Variants in ANXA8 observed in about 807,000 individuals in gnomAD.
ANXA8 encodes the protein VAC-beta.
A neutral mutation model predicts 26.8 loss-of-function variants in ANXA8; 9 were observed. The ratio of observed to expected loss-of-function variants is 0.34; its 90% CI spans 0.20 to 0.59. ANXA8 has a LOEUF of 0.59. Among genes scored for constraint, ANXA8 ranks in the 20% least tolerant of loss-of-function variants. The pLI is 0.84. For missense variants in ANXA8, 83 were observed against 238.5 expected (o/e 0.35, Z 4.29); for synonymous variants, 39 against 94.8 (o/e 0.41, Z 3.42).
At chr10:47,497,790 T>G in the ANXA8 span, among the ~76,000 whole-genome samples, 2 of 150,312 alleles carry the variant, frequency 1.3e-5, no homozygotes, top group African/African-American at 4.9e-5. Context: ...ATACAAAAAT[T>G]AGTTGGGCAT....
At chr10:47,958,440 C>T in the ANXA8 span, among the ~76,000 whole-genome samples, 1 of 146,526 alleles carries the variant, frequency 6.8e-6, no homozygotes, top group Admixed American at 6.7e-5. Context: ...GATCGAGCCA[C>T]TGCACTCCAG....
At chr10:47,631,858 A>G in the ANXA8 span, among the ~76,000 whole-genome samples, 2 of 151,586 alleles carry the variant, frequency 1.3e-5, no homozygotes, top group East Asian at 3.8e-4. Flanking sequence ...ATAATTTTGG[A>G]AAATATATTA....
the ANXA8 span, among the ~76,000 whole-genome samples, chr10:47,764,140 C>T: frequency 6.6e-6 from 1 of 150,714 alleles, no homozygotes; most frequent in South Asian, 2.1e-4. Context: ...CTCAGCTGTG[C>T]GCTTAACTGG....
chr10:47,949,978 A>G, the ANXA8 span, among the ~76,000 whole-genome samples: 1 of 150,228 alleles, frequency 6.7e-6, no homozygotes, highest in Non-Finnish European at 1.5e-5. Context: ...ACTGTATAAT[A>G]AGGCAAGACT....
At chr10:47,733,225 T>TTCTCTCTCTCTC in the ANXA8 span, among the ~76,000 whole-genome samples, 117 of 58,346 alleles carry the variant, frequency 2.0e-3, 1 homozygote, top group African/African-American at 6.9e-3. Context: ...TTCTTTCTCT[T>TTCTCTCTCTCTC]TCTTTCTCTC....
the ANXA8 span, among the ~76,000 whole-genome samples, chr10:47,653,125 G>A: frequency 2.7e-5 from 4 of 150,724 alleles, no homozygotes; most frequent in South Asian, 6.2e-4. Context: ...CAGCCTGGCC[G>A]ACATGGTGAA....
At chr10:47,533,473 C>T in the ANXA8 span, among the ~76,000 whole-genome samples, 3,729 of 148,462 alleles carry the variant, frequency 0.025, 16 homozygotes, top group Middle Eastern at 0.035. Flanking sequence ...GAGGGGGAAC[C>T]TTCAGACAGT....
chr10:47,944,353 C>T, the ANXA8 span, among the ~76,000 whole-genome samples: 1 of 149,100 alleles, frequency 6.7e-6, no homozygotes, highest in Non-Finnish European at 1.5e-5. Flanking sequence ...AGAGCATCCT[C>T]CCCCCGCATC....
chr10:47,951,046 A>G, the ANXA8 span, among the ~76,000 whole-genome samples: 1 of 150,484 alleles, frequency 6.6e-6, no homozygotes, highest in Admixed American at 6.6e-5. Context: ...GATCAATAAA[A>G]TTGATAAACT....
chr10:47,572,256 A>G, the ANXA8 span, among the ~76,000 whole-genome samples: 2 of 147,090 alleles, frequency 1.4e-5, no homozygotes, highest in Admixed American at 6.9e-5. Flanking sequence ...AATATCACCT[A>G]TGTAAAGTTC....
At chr10:47,510,041 T>C in the ANXA8 span, 5,247 of 1,486,158 alleles carry the variant, frequency 3.5e-3, 552 homozygotes, top group Middle Eastern at 5.8e-3. Flanking sequence ...TGATACTTAA[T>C]ATTCAGAATC....
At chr10:47,672,656 A>G in the ANXA8 span, among the ~76,000 whole-genome samples, 1 of 151,938 alleles carries the variant, frequency 6.6e-6, no homozygotes, top group Non-Finnish European at 1.5e-5. Context: ...ATGGAAGAAG[A>G]GTAGAGCAGG....
chr10:47,505,585 G>C, the ANXA8 span, among the ~76,000 whole-genome samples: 1 of 119,172 alleles, frequency 8.4e-6, no homozygotes, highest in African/African-American at 3.1e-5. Flanking sequence ...GTACAACTGG[G>C]CCAGCGCAGT....
the ANXA8 span, among the ~76,000 whole-genome samples, chr10:47,943,180 CGAGA>C: frequency 2.8e-5 from 4 of 143,088 alleles, no homozygotes; most frequent in Non-Finnish European, 4.5e-5. Flanking sequence ...GGAGGCCGGC[CGAGA>C]GAAAGACCTG....
At chr10:47,645,434 A>T in the ANXA8 span, among the ~76,000 whole-genome samples, 24 of 148,226 alleles carry the variant, frequency 1.6e-4, 1 homozygote, top group African/African-American at 6.2e-4. Flanking sequence ...TTCTCACCTC[A>T]TAGTAGTCAT....
the ANXA8 span, chr10:47,564,436 AG>A: frequency 8.2e-7 from 1 of 1,221,204 alleles, no homozygotes. Context: ...CGGTTGCAGA[AG>A]GGCAAGGTGA....
At chr10:47,552,760 A>G in the ANXA8 span, among the ~76,000 whole-genome samples, 48 of 151,530 alleles carry the variant, frequency 3.2e-4, 1 homozygote, top group Admixed American at 6.6e-4. Flanking sequence ...GGGGCAGGGT[A>G]CCATTTCATT....
At chr10:47,644,304 G>A in the ANXA8 span, among the ~76,000 whole-genome samples, 4 of 150,108 alleles carry the variant, frequency 2.7e-5, no homozygotes, top group South Asian at 2.1e-4. Flanking sequence ...AAATTATTCC[G>A]CTAAATTTGT....
chr10:47,585,495 G>A, the ANXA8 span, among the ~76,000 whole-genome samples: 2 of 137,864 alleles, frequency 1.5e-5, no homozygotes, highest in Non-Finnish European at 3.1e-5. Context: ...GTGGATATGA[G>A]GATGAAGGTT....
Sources: allele counts gnomAD v4.1 joint callset (sites outside exome capture counted in the v4.1 genomes callset), GRCh38; gene constraint gnomAD v4.1.1; transcripts MANE v1.5; gene names NCBI Gene and HGNC (gene_info 2026-07-23, HGNC 2026-07-21).